The following SLC9A9 variants were observed in gnomAD, a reference collection of about 807,000 sequenced individuals.
SLC9A9 encodes the protein solute carrier family 9 member A9.
A neutral mutation model predicts 77.8 loss-of-function variants in SLC9A9; 62 were observed. The observed-to-expected ratio is 0.80, with a 90% confidence interval of 0.65 to 0.98. The LOEUF (loss-of-function observed/expected upper bound fraction) is 0.98, where lower values mean the gene tolerates loss of function less well. Ranked by LOEUF, SLC9A9 falls within the 50% of genes least tolerant of loss-of-function variation. The pLI is 0.00. For synonymous variants in SLC9A9, 320 were observed against 283.5 expected (o/e 1.13, Z -1.29); for missense variants, 775 against 774.9 (o/e 1.00, Z 0.00).
At chr3:143,448,662 C>A (rs561084412) in intron 12 of SLC9A9, among the ~76,000 whole-genome samples, 2 of 150,924 alleles carry the variant, frequency 1.3e-5, no homozygotes, top group African/African-American at 4.9e-5. Flanking sequence ...ATATTCTACC[C>A]TTTGACTTTC....
In SLC9A9 at chr3:143,654,058, G is replaced by C. The variant is rs373385739; in HGVS notation, c.650-1698C>G. On this transcript the variant is annotated intron_variant, in intron 5 of 15. Transcript: ENST00000316549. ...GCAGCAAGGAATGACTCTGGATTTT[G>C]ATCTATTGTACAACATGTGACTATA... is the stretch of plus-strand genomic sequence containing the variant. 1.1e-3 allele frequency among the ~76,000 whole-genome samples: 172 copies of C among 152,244 alleles called. 1 individual carries two copies. Among genetic ancestry groups the C allele is most frequent in the African/African-American group, 3.8e-3 (158 of 41,546 alleles).
chr3:143,832,195 A>T lies in SLC9A9; in HGVS notation c.202T>A (p.Tyr68Asn), dbSNP rs1221031797. The T allele has an allele frequency of 1.9e-6, 3 of 1,612,454 alleles. No individual in the cohort carries two copies. In the African/African-American group the frequency reaches 4.0e-5, roughly 22 times the overall value. ...TCAATATCAGTTGGTGCTGTAGCAT[A>T]TCGTAAAATTAGTCCCATTATAAGG... ...YGLIMGLILR[Y>N]ATAPTDIESG... is the part of the protein sequence containing the mutation. Residue 68 changes from tyrosine to asparagine, a missense_variant, in exon 2 of 16, where the codon TAT becomes AAT. Coordinates refer to ENST00000316549, the MANE Select transcript of SLC9A9 (RefSeq NM_173653.4).
intron 14 of SLC9A9, among the ~76,000 whole-genome samples, chr3:143,346,070 C>A (rs2032264160): frequency 6.6e-6 from 1 of 152,086 alleles, no homozygotes; most frequent in Non-Finnish European, 1.5e-5. Context: ...CCAGTTTTAA[C>A]AATTCCCTCT....
chr3:143,520,045 G>A (rs1336655058), intron 9 of SLC9A9, among the ~76,000 whole-genome samples: 1 of 152,106 alleles, frequency 6.6e-6, no homozygotes, highest in African/African-American at 2.4e-5. Context: ...ATGTATATTT[G>A]GAAACTATCA....
At chr3:143,446,126 A>G (rs2034836664) in intron 12 of SLC9A9, among the ~76,000 whole-genome samples, 1 of 152,162 alleles carries the variant, frequency 6.6e-6, no homozygotes, top group Admixed American at 6.6e-5. Context: ...TAAATTATCC[A>G]GTGAAAAGGA....
At chr3:143,413,158 AT>A (rs570525561) in intron 12 of SLC9A9, among the ~76,000 whole-genome samples, 108 of 152,238 alleles carry the variant, frequency 7.1e-4, no homozygotes, top group Non-Finnish European at 1.0e-3. Context: ...TAGCTGCTGA[AT>A]TTCATGGAGT....
intron 5 of SLC9A9, among the ~76,000 whole-genome samples, chr3:143,672,864 A>G (rs2039181253): frequency 6.6e-6 from 1 of 152,228 alleles, no homozygotes; most frequent in African/African-American, 2.4e-5. Flanking sequence ...AAGAACTGCT[A>G]TGAAATGAAA....
chr3:143,650,221 GTTTGAACTTTTAGACTGAAAGCCA>G (rs2038774915), intron 6 of SLC9A9, among the ~76,000 whole-genome samples: 1 of 152,148 alleles, frequency 6.6e-6, no homozygotes, highest in African/African-American at 2.4e-5. Flanking sequence ...GAGATGCAAT[GTTTGAACTTTTAGACTGAAAGCCA>G]TAGAAAACCT....
chr3:143,578,648 A>G lies in SLC9A9; in HGVS notation c.831T>C (p.Asn277=), dbSNP rs76569782. ...ATGAGCCAGCGAAGATTCCCAGGAA[A>G]TTCCCCACAGACTGGAAGAATGCTG... ...DAAAFFQSVG[N]FLGIFAGSFA... Residue 277 remains asparagine (N), a synonymous_variant, in exon 7 of 16, where the codon AAT becomes AAC. Transcript: ENST00000316549. The G allele has an allele frequency of 3.7e-3, 5,909 of 1,614,092 alleles. 162 individuals carry two copies. In the African/African-American group the frequency reaches 0.065, roughly 18 times the overall value.
intron 12 of SLC9A9, among the ~76,000 whole-genome samples, chr3:143,419,923 T>C (rs185735929): frequency 1.1e-4 from 17 of 152,338 alleles, no homozygotes; most frequent in Admixed American, 3.9e-4. Flanking sequence ...CCAAGGACTG[T>C]GGTCATTTTG....
intron 11 of SLC9A9, among the ~76,000 whole-genome samples, chr3:143,490,295 T>C (rs1259948131): frequency 1.3e-5 from 2 of 152,178 alleles, no homozygotes; most frequent in Admixed American, 6.5e-5. Flanking sequence ...GATGAATAGA[T>C]AAGTAAAATG....
intron 6 of SLC9A9, among the ~76,000 whole-genome samples, chr3:143,590,840 C>A (rs1270197486): frequency 6.6e-6 from 1 of 152,152 alleles, no homozygotes; most frequent in African/African-American, 2.4e-5. Flanking sequence ...GCAAGATCAC[C>A]AATTCACAGC....
intron 5 of SLC9A9, chr3:143,655,530 G>C (rs1000867888): frequency 1.0e-6 from 1 of 985,336 alleles, no homozygotes; most frequent in Non-Finnish European, 1.2e-6. Context: ...AGATTTTCAT[G>C]CTTCACTTGT....
intron 12 of SLC9A9, among the ~76,000 whole-genome samples, chr3:143,383,671 C>T (rs946083895): frequency 1.3e-5 from 2 of 152,228 alleles, no homozygotes; most frequent in African/African-American, 4.8e-5. Flanking sequence ...CCTCTGCCTG[C>T]TTCAGCTGGA....
chr3:143,507,908 G>A (rs972507609), intron 9 of SLC9A9, among the ~76,000 whole-genome samples: 1 of 152,130 alleles, frequency 6.6e-6, no homozygotes, highest in African/African-American at 2.4e-5. Context: ...GAGCAAGCAA[G>A]CTCTCACGTC....
chr3:143,615,241 T>C (rs1184442415), intron 6 of SLC9A9, among the ~76,000 whole-genome samples: 1 of 152,220 alleles, frequency 6.6e-6, no homozygotes, highest in South Asian at 2.1e-4. Context: ...AGAAAGCAGA[T>C]GAAACATTAT....
chr3:143,769,717 A>C (rs954827386), intron 4 of SLC9A9, among the ~76,000 whole-genome samples: 4 of 152,202 alleles, frequency 2.6e-5, no homozygotes, highest in African/African-American at 4.8e-5. Flanking sequence ...TTAATATCCC[A>C]GGAAAAGGTC....
At chr3:143,780,108 G>C (rs1474859510) in intron 4 of SLC9A9, among the ~76,000 whole-genome samples, 1 of 152,004 alleles carries the variant, frequency 6.6e-6, no homozygotes, top group Non-Finnish European at 1.5e-5. Flanking sequence ...ATACCTTTTT[G>C]CTGCAAATTA....
intron 1 of SLC9A9, among the ~76,000 whole-genome samples, chr3:143,842,048 C>G (rs2009720109): frequency 6.6e-6 from 1 of 152,042 alleles, no homozygotes; most frequent in African/African-American, 2.4e-5. Context: ...AGCCATCATG[C>G]CTGGCCCGGC....
Sources: allele counts gnomAD v4.1 joint callset (sites outside exome capture counted in the v4.1 genomes callset), GRCh38; gene constraint gnomAD v4.1.1; transcripts MANE v1.5; gene names NCBI Gene and HGNC (gene_info 2026-07-23, HGNC 2026-07-21).